Variants in SLC5A4 observed in about 807,000 individuals in gnomAD.
SLC5A4 encodes the protein solute carrier family 5 member 4.
In SLC5A4, 55 loss-of-function variants were observed where a neutral mutation model predicts 70.3. The observed-to-expected ratio is 0.78, with a 90% CI of 0.63 to 0.98. The LOEUF is 0.98. SLC5A4 is among the 50% of genes least tolerant of loss of function. The pLI, the probability that SLC5A4 is intolerant of heterozygous loss-of-function variation, is 0.00. For synonymous variants in SLC5A4, 268 were observed against 305.7 expected, an observed-to-expected ratio of 0.88 and a Z score of 1.29; for missense variants, 735 against 839.2, an observed-to-expected ratio of 0.88 and a Z score of 1.53.
rs1247823557 is a variant in SLC5A4, at chr22:32,247,470, G to A, written c.418C>T (p.Arg140Ter). ...AGGATGGAGAGGTAGACCTGGAGTC[G>A]CTCCCCACCAAACCGCTTCTTGAGA... is the stretch of plus-strand genomic sequence containing the variant. ...EYLKKRFGGE[R>*]LQVYLSILSL... The change falls in exon 5 of 15, where the codon CGA becomes TGA. Residue 140 changes from arginine to a stop codon, truncating the protein, a stop_gained. Coordinates refer to ENST00000266086, the MANE Select transcript of SLC5A4 (RefSeq NM_014227.3). LOFTEE classifies it high-confidence loss of function. 7 of 1,613,708 alleles carry A rather than the reference G, an allele frequency of 4.3e-6. No individual in the cohort carries two copies. Among genetic ancestry groups the A allele is most frequent in the Non-Finnish European group, 5.9e-6 (7 of 1,179,754 alleles).
At chr22:32,270,016 C>T in the SLC5A4 span, 24,162 of 494,562 alleles carry the variant, frequency 0.049, 1,379 homozygotes, top group African/African-American at 0.21. Context: ...GCTTCAGGAG[C>T]CCCCGGCCAG....
chr22:32,251,998 G>A (rs1927194884), intron 2 of SLC5A4, 124 bp from the exon 3 acceptor site: 4 of 646,604 alleles, frequency 6.2e-6, no homozygotes, highest in Non-Finnish European at 1.1e-5. Context: ...GGGAGGCTGA[G>A]GCGGGTGGAT....
intron 3 of SLC5A4, among the ~76,000 whole-genome samples, chr22:32,250,308 G>A (rs955757348): frequency 6.6e-6 from 1 of 152,132 alleles, no homozygotes; most frequent in Non-Finnish European, 1.5e-5. Flanking sequence ...ACAGACCTCA[G>A]GAGTTAAGAG....
chr22:32,341,991 C>T, the SLC5A4 span, among the ~76,000 whole-genome samples: 1 of 152,198 alleles, frequency 6.6e-6, no homozygotes, highest in Non-Finnish European at 1.5e-5. Flanking sequence ...ATTACAAAAG[C>T]ATTTTATTTT....
the SLC5A4 span, among the ~76,000 whole-genome samples, chr22:32,281,873 T>C: frequency 3.3e-5 from 5 of 152,176 alleles, no homozygotes; most frequent in African/African-American, 1.2e-4. Context: ...TAATGGAGTC[T>C]CGCTCTGTAG....
the SLC5A4 span, among the ~76,000 whole-genome samples, chr22:32,280,349 C>G: frequency 6.6e-6 from 1 of 152,142 alleles, no homozygotes; most frequent in African/African-American, 2.4e-5. Context: ...TGACTCTTCC[C>G]CAGTGAGAAT....
At chr22:32,354,510 C>T in the SLC5A4 span, among the ~76,000 whole-genome samples, 1 of 152,156 alleles carries the variant, frequency 6.6e-6, no homozygotes, top group East Asian at 1.9e-4. Context: ...CGCCCCCAAC[C>T]CGTGCCTGAC....
chr22:32,242,182 A>G (rs1033249450), intron 5 of SLC5A4, among the ~76,000 whole-genome samples: 1 of 152,196 alleles, frequency 6.6e-6, no homozygotes, highest in African/African-American at 2.4e-5. Flanking sequence ...CCACCCAATA[A>G]GCACACTTAG....
chr22:32,240,617 T>C (rs1207701886), intron 5 of SLC5A4, among the ~76,000 whole-genome samples: 1 of 152,188 alleles, frequency 6.6e-6, no homozygotes, highest in Non-Finnish European at 1.5e-5. Flanking sequence ...CATTTTTTTC[T>C]CTGTTCTGGA....
At chr22:32,278,424 A>G in the SLC5A4 span, among the ~76,000 whole-genome samples, 1 of 152,264 alleles carries the variant, frequency 6.6e-6, no homozygotes, top group Non-Finnish European at 1.5e-5. Flanking sequence ...AAAAGCAAGA[A>G]AAGAATTCTT....
At chr22:32,253,013 C>G (rs914169266) in intron 2 of SLC5A4, among the ~76,000 whole-genome samples, 5 of 152,164 alleles carry the variant, frequency 3.3e-5, no homozygotes, top group Non-Finnish European at 1.5e-5. Context: ...GCTTCAAGAT[C>G]GCTTGAGCCT....
chr22:32,219,861 T>C (rs942790202), intron 14 of SLC5A4, among the ~76,000 whole-genome samples: 44 of 152,062 alleles, frequency 2.9e-4, no homozygotes, highest in Admixed American at 9.8e-4. Flanking sequence ...AGAGGCAGCA[T>C]AGATGGATAA....
chr22:32,238,901 G>T, intron 6 of SLC5A4, 84 bp downstream of exon 6: 2 of 931,098 alleles, frequency 2.1e-6, no homozygotes, highest in South Asian at 1.3e-5. Context: ...GCAGTGACAA[G>T]GTTAACACTG....
At chr22:32,323,187 C>T in the SLC5A4 span, among the ~76,000 whole-genome samples, 15 of 152,254 alleles carry the variant, frequency 9.9e-5, no homozygotes, top group East Asian at 5.8e-4. Flanking sequence ...TCCACCATGG[C>T]GCCCTCCAGA....
At chr22:32,288,777 C>T in the SLC5A4 span, among the ~76,000 whole-genome samples, 1 of 152,070 alleles carries the variant, frequency 6.6e-6, no homozygotes, top group Non-Finnish European at 1.5e-5. Flanking sequence ...AACTCATGAC[C>T]TCAGGTGATC....
chr22:32,253,522 G>A (rs1457674084), intron 2 of SLC5A4, among the ~76,000 whole-genome samples: 1 of 152,196 alleles, frequency 6.6e-6, no homozygotes, highest in African/African-American at 2.4e-5. Context: ...GCTCAGGACT[G>A]GCAACAAAGC....
At chr22:32,332,274 G>T in the SLC5A4 span, among the ~76,000 whole-genome samples, 2 of 152,206 alleles carry the variant, frequency 1.3e-5, no homozygotes, top group Non-Finnish European at 2.9e-5. Context: ...AGACCTACTT[G>T]CATCTGCCAC....
At chr22:32,261,733 G>A in the SLC5A4 span, among the ~76,000 whole-genome samples, 3,990 of 152,326 alleles carry the variant, frequency 0.026, 191 homozygotes, top group African/African-American at 0.091. Context: ...AATATTGACT[G>A]TAGTCACCCT....
chr22:32,231,101 C>T (rs749064608), intron 9 of SLC5A4, 26 bp from the exon 10 acceptor site: 2 of 1,417,432 alleles, frequency 1.4e-6, no homozygotes, highest in South Asian at 2.3e-5. Context: ...GAAGTGAGTC[C>T]AATGAGGCCC....
Sources: allele counts gnomAD v4.1 joint callset (sites outside exome capture counted in the v4.1 genomes callset), GRCh38; gene constraint gnomAD v4.1.1; transcripts MANE v1.5; gene names NCBI Gene and HGNC (gene_info 2026-07-23, HGNC 2026-07-21).